Variants in ZNF821 observed in about 807,000 individuals in gnomAD.
ZNF821 encodes the protein zinc finger protein 821.
ZNF821 carries 16 observed loss-of-function variants against 44.3 expected under a neutral mutation model. The observed-to-expected ratio is 0.36, with a 90% CI of 0.24 to 0.55. ZNF821 has a LOEUF of 0.55. ZNF821 is among the 20% of genes least tolerant of loss of function. The pLI is 0.86. For missense variants in ZNF821, 436 were observed against 547.6 expected (o/e 0.80, Z 2.03); for synonymous variants, 204 against 197.6 (o/e 1.03, Z -0.27).
chr16:71,872,567 C>A (rs1468320756), intron 3 of ZNF821, among the ~76,000 whole-genome samples: 1 of 152,016 alleles, frequency 6.6e-6, no homozygotes, highest in Non-Finnish European at 1.5e-5. Context: ...GAGCCGAGAT[C>A]ACGCCACTGC....
chr16:71,868,885 A>G (rs2034861822), intron 3 of ZNF821, among the ~76,000 whole-genome samples: 1 of 152,018 alleles, frequency 6.6e-6, no homozygotes, highest in Non-Finnish European at 1.5e-5. Context: ...GATGGTCTCT[A>G]TCTCCTGACC....
chr16:71,866,850 G>C (rs2034600419), intron 4 of ZNF821, among the ~76,000 whole-genome samples: 1 of 152,150 alleles, frequency 6.6e-6, no homozygotes, highest in Admixed American at 6.6e-5. Context: ...GTTCCTAGAA[G>C]GTTGCAGAGT....
chr16:71,867,030 C>G (rs1402825949), intron 4 of ZNF821, among the ~76,000 whole-genome samples: 1 of 152,210 alleles, frequency 6.6e-6, no homozygotes, highest in African/African-American at 2.4e-5. Flanking sequence ...GGTCACAGGA[C>G]AGACAGACAA....
At position 71,865,037 on chromosome 16, in the gene ZNF821, C is replaced by T. The variant is rs868273148; in HGVS notation, c.178G>A (p.Gly60Ser). 2 of 1,614,172 alleles carry T rather than the reference C, an allele frequency of 1.2e-6. No individual in the cohort carries two copies. The highest frequency in any genetic ancestry group is 2.2e-5 in the East Asian group (1 of 44,878). ...DQDSSSSDSEGDEEETTQDEV... is the reference protein window; with the variant it reads ...DQDSSSSDSESDEEETTQDEV... ...TCTTGTGTCGTCTCCTCTTCATCAC[C>T]CTCACTGTCACCTGGAACACACAAA... is the stretch of plus-strand genomic sequence containing the variant. The change falls in exon 5 of 8, where the codon GGT (glycine) becomes AGT (serine). Residue 60 changes from glycine (G) to serine (S), a missense_variant. Gly to Ser is a moderately conservative substitution (Grantham distance 56). Transcript: ENST00000425432.
upstream of ZNF821, chr16:71,884,855 CT>C (rs572933193): frequency 0.29 from 32,421 of 111,772 alleles, 3,631 homozygotes; most frequent in East Asian, 0.56. Flanking sequence ...GCCGTTGGAC[CT>C]TTTTTTTTTT....
intron 3 of ZNF821, among the ~76,000 whole-genome samples, chr16:71,871,078 C>G (rs2035146436): frequency 6.6e-6 from 1 of 152,158 alleles, no homozygotes; most frequent in Admixed American, 6.5e-5. Context: ...AGTTTCGTCT[C>G]CAACTTGAGC....
chr16:71,878,412 C>A (rs925013675), intron 3 of ZNF821, among the ~76,000 whole-genome samples: 1 of 151,858 alleles, frequency 6.6e-6, no homozygotes, highest in Non-Finnish European at 1.5e-5. Flanking sequence ...CCACCGCGCC[C>A]GGCCACTATT....
chr16:71,870,845 T>C (rs2035117514), intron 3 of ZNF821, among the ~76,000 whole-genome samples: 1 of 152,216 alleles, frequency 6.6e-6, no homozygotes, highest in African/African-American at 2.4e-5. Context: ...CTAGGAGCTA[T>C]GGGCAGACAT....
At chr16:71,878,318 G>A (rs1037044980) in intron 3 of ZNF821, among the ~76,000 whole-genome samples, 10 of 151,410 alleles carry the variant, frequency 6.6e-5, no homozygotes, top group Non-Finnish European at 1.2e-4. Flanking sequence ...TTTTTGCCAC[G>A]TTGGCCAGAC....
chr16:71,893,732 T>G (rs2036909795), intron 1 of ZNF821, among the ~76,000 whole-genome samples: 1 of 151,890 alleles, frequency 6.6e-6, no homozygotes, highest in Admixed American at 6.6e-5. Flanking sequence ...GTGCTGAGAT[T>G]ACAGGCATAA....
chr16:71,873,497 T>C (rs1339032716), intron 3 of ZNF821, among the ~76,000 whole-genome samples: 1 of 151,704 alleles, frequency 6.6e-6, no homozygotes, highest in Non-Finnish European at 1.5e-5. Flanking sequence ...AATACAAGAG[T>C]CTAACTAGAT....
intron 3 of ZNF821, among the ~76,000 whole-genome samples, chr16:71,878,657 C>T (rs1032083298): frequency 1.1e-4 from 17 of 152,028 alleles, no homozygotes; most frequent in Admixed American, 3.3e-4. Flanking sequence ...GCAACAGGTG[C>T]GGTGGCTCAT....
At chr16:71,862,900 AT>A (rs879756266) in intron 6 of ZNF821, among the ~76,000 whole-genome samples, 62 of 147,136 alleles carry the variant, frequency 4.2e-4, no homozygotes, top group South Asian at 6.4e-4. Flanking sequence ...GTGTTAACTA[AT>A]TTTTTTTTTT....
Position 71,860,710 on chromosome 16 carries a change from C to G in ZNF821, c.585-38G>C. The G allele has an allele frequency of 1.3e-6, 2 of 1,590,498 alleles. No individual in the cohort carries two copies. The highest frequency in any genetic ancestry group is 8.5e-7 in the Non-Finnish European group (1 of 1,171,050). On this transcript the variant is annotated intron_variant, in intron 7 of 7. Transcript: ENST00000425432. The surrounding 1 kb of genome is among the most constrained non-coding windows in gnomAD (Gnocchi z 7.3). Reference sequence around the variant, plus strand: ...CATTTTGGATGGTTAGTGTTTCCTTCTAGCAAGAGTCGGGACTCCAGCCCT... The same window carrying G: ...CATTTTGGATGGTTAGTGTTTCCTTGTAGCAAGAGTCGGGACTCCAGCCCT...
intron 1 of ZNF821, among the ~76,000 whole-genome samples, chr16:71,892,329 C>T (rs1157757574): frequency 2.7e-5 from 4 of 146,980 alleles, no homozygotes; most frequent in East Asian, 4.2e-4. Context: ...GGCAGGGGCG[C>T]GATCTCGGCT....
chr16:71,891,142 G>C (rs367812785), intron 1 of ZNF821, among the ~76,000 whole-genome samples: 3 of 152,264 alleles, frequency 2.0e-5, no homozygotes, highest in Middle Eastern at 3.4e-3. Flanking sequence ...ACACAAAACA[G>C]GTTGGCTGAT....
At chr16:71,883,170 G>A (rs2036607382) in intron 2 of ZNF821, 41 bp downstream of exon 2, 1 of 456,354 alleles carries the variant, frequency 2.2e-6, no homozygotes, top group Non-Finnish European at 4.4e-6. Context: ...GAAAAAAAAC[G>A]AGTGAAATCT....
intron 3 of ZNF821, among the ~76,000 whole-genome samples, chr16:71,869,468 G>GT (rs2034939889): frequency 1.3e-5 from 2 of 152,136 alleles, no homozygotes; most frequent in African/African-American, 4.8e-5. Flanking sequence ...ACTAATAATA[G>GT]TTTGACACTT....
chr16:71,864,256 A>G lies in ZNF821; in HGVS notation c.313-14T>C, dbSNP rs1259510249. 1 of 1,610,684 alleles carries G rather than the reference A, an allele frequency of 6.2e-7. No homozygotes were observed. The highest frequency in any genetic ancestry group is 8.5e-7 in the Non-Finnish European group (1 of 1,176,928). ...ATTCCCTGTGACCTGTGATTCAACAAATAGGCAACTCATTAGGACTCTTTA... is the reference window on the plus strand; with the variant it reads ...ATTCCCTGTGACCTGTGATTCAACAGATAGGCAACTCATTAGGACTCTTTA... On this transcript the variant is annotated splice_polypyrimidine_tract_variant and intron_variant, in intron 5 of 7. Transcript: ENST00000425432.
Sources: gnomAD v4.1 joint callset for allele counts (sites outside exome capture counted in the v4.1 genomes callset) on GRCh38, gnomAD v4.1.1 for gene constraint, Gnocchi (gnomAD v3.1) non-coding constraint, MANE v1.5 for transcripts, NCBI Gene and HGNC (gene_info 2026-07-23, HGNC 2026-07-21) for gene names.